The following ELAPOR2 variants were observed in gnomAD, a reference collection of about 807,000 sequenced individuals.
The protein encoded by ELAPOR2 is endosome/lysosome-associated apoptosis and autophagy regulator family member 2.
ELAPOR2 carries 89 observed loss-of-function variants against 120.7 expected under a neutral mutation model. The observed-to-expected ratio is 0.74, with a 90% CI of 0.62 to 0.88. ELAPOR2 has a LOEUF of 0.88. ELAPOR2 is among the 40% of genes least tolerant of loss of function. The pLI is 0.00. For synonymous variants in ELAPOR2, 444 were observed against 444.9 expected (o/e 1.00, Z 0.03); for missense variants, 1,134 against 1,251.6 (o/e 0.91, Z 1.42).
intron 18 of ELAPOR2, among the ~76,000 whole-genome samples, chr7:86,906,957 C>T (rs1418558326): frequency 1.3e-5 from 2 of 151,808 alleles, no homozygotes; most frequent in East Asian, 3.9e-4. Context: ...AAAAATAAAA[C>T]TGAGGAGGCA....
intron 12 of ELAPOR2, 27 bp downstream of exon 12, chr7:86,918,415 G>T: frequency 7.2e-7 from 1 of 1,379,574 alleles, no homozygotes; most frequent in Non-Finnish European, 1.0e-6. Context: ...TTAGAAATCT[G>T]CCTTTGAAAG....
At chr7:86,960,930 T>C (rs1025016140) in intron 2 of ELAPOR2, among the ~76,000 whole-genome samples, 1 of 152,156 alleles carries the variant, frequency 6.6e-6, no homozygotes, top group Non-Finnish European at 1.5e-5. Flanking sequence ...TAGCACTTTA[T>C]CTAAAACAAC....
At chr7:86,939,517 T>A (rs1279045443) in intron 6 of ELAPOR2, among the ~76,000 whole-genome samples, 1 of 152,076 alleles carries the variant, frequency 6.6e-6, no homozygotes, top group South Asian at 2.1e-4. Context: ...ATACTCCTAA[T>A]TGAGAATGAA....
chr7:87,010,139 C>T (rs1793608596), intron 1 of ELAPOR2, among the ~76,000 whole-genome samples: 1 of 152,182 alleles, frequency 6.6e-6, no homozygotes, highest in Non-Finnish European at 1.5e-5. Context: ...AAGCTTCAGT[C>T]TACAACTGAT....
intron 1 of ELAPOR2, among the ~76,000 whole-genome samples, chr7:87,027,880 A>T (rs901136601): frequency 3.3e-5 from 5 of 152,138 alleles, no homozygotes; most frequent in Admixed American, 6.6e-5. Flanking sequence ...ATATCCCCAA[A>T]CTAGAAAGAG....
chr7:86,911,879 A>C, intron 15 of ELAPOR2, 193 bp downstream of exon 15: 1 of 611,758 alleles, frequency 1.6e-6, no homozygotes. Flanking sequence ...TACACTGAGA[A>C]CCAGACAAGG....
chr7:86,976,009 G>C (rs561931183), intron 1 of ELAPOR2, among the ~76,000 whole-genome samples: 1 of 152,150 alleles, frequency 6.6e-6, no homozygotes, highest in Non-Finnish European at 1.5e-5. Flanking sequence ...TGGGAGAGGG[G>C]AAATGGGATC....
chr7:87,026,051 T>C (rs1794232345), intron 1 of ELAPOR2, among the ~76,000 whole-genome samples: 1 of 152,122 alleles, frequency 6.6e-6, no homozygotes, highest in South Asian at 2.1e-4. Flanking sequence ...CGCATATATC[T>C]ACTTCCATAT....
chr7:86,995,600 C>T (rs1793097476), intron 1 of ELAPOR2, among the ~76,000 whole-genome samples: 1 of 152,112 alleles, frequency 6.6e-6, no homozygotes, highest in African/African-American at 2.4e-5. Context: ...TCCCTGTTAT[C>T]CTCCTGTGAT....
intron 1 of ELAPOR2, among the ~76,000 whole-genome samples, chr7:87,009,242 G>A (rs1486552813): frequency 1.3e-5 from 2 of 152,288 alleles, no homozygotes; most frequent in East Asian, 1.9e-4. Flanking sequence ...AGGGCAAAGA[G>A]CACATTTAGC....
At chr7:87,024,192 CTG>C (rs1309523128) in intron 1 of ELAPOR2, among the ~76,000 whole-genome samples, 2 of 152,116 alleles carry the variant, frequency 1.3e-5, no homozygotes, top group Non-Finnish European at 2.9e-5. Flanking sequence ...ATGATATTGG[CTG>C]TGAGTTTGTC....
intron 21 of ELAPOR2, among the ~76,000 whole-genome samples, chr7:86,890,219 T>A (rs1012955691): frequency 2.0e-5 from 3 of 151,998 alleles, no homozygotes; most frequent in African/African-American, 7.2e-5. Context: ...AGAAACTGAT[T>A]ACCCTTTGTT....
At chr7:87,053,547 G>A (rs1465572968) in intron 1 of ELAPOR2, among the ~76,000 whole-genome samples, 1 of 152,126 alleles carries the variant, frequency 6.6e-6, no homozygotes, top group South Asian at 2.1e-4. Flanking sequence ...AGAAATGGGT[G>A]GATTCTTCTT....
intron 1 of ELAPOR2, among the ~76,000 whole-genome samples, chr7:87,034,488 G>A (rs1794519136): frequency 6.6e-6 from 1 of 151,450 alleles, no homozygotes; most frequent in Non-Finnish European, 1.5e-5. Flanking sequence ...AGAAAAAAAT[G>A]AGATCATTAA....
intron 19 of ELAPOR2, among the ~76,000 whole-genome samples, 193 bp from the exon 20 acceptor site, chr7:86,893,293 A>C (rs1379888129): frequency 6.6e-6 from 1 of 151,980 alleles, no homozygotes; most frequent in Non-Finnish European, 1.5e-5. Flanking sequence ...CAGGAAAAAA[A>C]TATATGTGAA....
chr7:86,919,403 A>T (rs946287900), intron 10 of ELAPOR2, 93 bp from the exon 11 acceptor site: 2 of 716,858 alleles, frequency 2.8e-6, no homozygotes, highest in African/African-American at 3.7e-5. Context: ...AAGAAGCATT[A>T]GTGTTTCTGT....
intron 15 of ELAPOR2, chr7:86,911,499 C>A (rs944043421): frequency 2.5e-6 from 1 of 402,400 alleles, no homozygotes; most frequent in Admixed American, 3.0e-5. Context: ...CCAACCCTAA[C>A]CTCATATGTC....
intron 1 of ELAPOR2, among the ~76,000 whole-genome samples, chr7:86,991,517 A>C (rs1186411377): frequency 6.6e-6 from 1 of 152,204 alleles, no homozygotes; most frequent in African/African-American, 2.4e-5. Context: ...TTCTACTTTC[A>C]AAACACACAC....
At chr7:86,978,542 T>G (rs1792356578) in intron 1 of ELAPOR2, among the ~76,000 whole-genome samples, 1 of 152,180 alleles carries the variant, frequency 6.6e-6, no homozygotes, top group Admixed American at 6.5e-5. Flanking sequence ...TAAAGGAACA[T>G]TTTCTCAGTG....
Sources: gnomAD v4.1 joint callset for allele counts (sites outside exome capture counted in the v4.1 genomes callset) on GRCh38, gnomAD v4.1.1 for gene constraint, MANE v1.5 for transcripts, NCBI Gene and HGNC (gene_info 2026-07-23, HGNC 2026-07-21) for gene names.